ZNF155: variants seen among roughly 807,000 people sequenced by gnomAD.
The protein encoded by ZNF155 is zinc finger protein 155, also known as KRAB A domain.
ZNF155 carries 15 observed loss-of-function variants against 11.9 expected under a neutral mutation model. The observed-to-expected ratio is 1.26, with a 90% CI of 0.84 to 1.94. The LOEUF is 1.94. Ranked by LOEUF, ZNF155 falls within the 30% of genes most tolerant of loss-of-function variation. The probability of loss-of-function intolerance (pLI) is 0.00; values close to 1 mark genes in which losing one functional copy is unlikely to be tolerated. For missense variants in ZNF155, 602 were observed against 639.1 expected (o/e 0.94, Z 0.63); for synonymous variants, 212 against 219.9 (o/e 0.96, Z 0.32).
At chr19:43,987,707 C>G (rs1478047645) in intron 1 of ZNF155, among the ~76,000 whole-genome samples, 2 of 152,190 alleles carry the variant, frequency 1.3e-5, no homozygotes, top group African/African-American at 2.4e-5. Flanking sequence ...TGGGCATTCA[C>G]TCTAAAAATG....
chr19:43,995,983 A>T, intron 4 of ZNF155, 110 bp from the exon 5 acceptor site: 1 of 1,376,512 alleles, frequency 7.3e-7, no homozygotes, highest in Non-Finnish European at 9.7e-7. Flanking sequence ...AAACAAACTG[A>T]ACATTCTCTG....
In ZNF155 at chr19:43,991,641, A is replaced by T. The variant is rs1975668962; in HGVS notation, c.109A>T (p.Met37Leu). Residue 37 changes from methionine (M) to leucine (L), a missense_variant, in exon 3 of 5, where the codon ATG becomes TTG. Transcript: ENST00000270014. Reference sequence around the variant, plus strand: ...CCAGAGGAAGCTGTACCGAGATGTGATGCTGGAGAACTTCAGGAACCTGCT... The same window carrying T: ...CCAGAGGAAGCTGTACCGAGATGTGTTGCTGGAGAACTTCAGGAACCTGCT... ...PAQRKLYRDVMLENFRNLLSV... is the reference protein window; with the variant it reads ...PAQRKLYRDVLLENFRNLLSV... 1.9e-6 allele frequency: 3 copies of T among 1,614,022 alleles called. No individual in the cohort carries two copies. The highest frequency in any genetic ancestry group is 2.5e-6 in the Non-Finnish European group (3 of 1,180,010).
chr19:43,990,182 G>T, intron 2 of ZNF155: 1 of 924,306 alleles, frequency 1.1e-6, no homozygotes, highest in Non-Finnish European at 1.6e-6. Flanking sequence ...ATTTTTTGAT[G>T]TTTTAATTTT....
In ZNF155 at chr19:43,991,642, T is replaced by A. The variant is rs763799563; in HGVS notation, c.110T>A (p.Met37Lys). ...PAQRKLYRDV[M>K]LENFRNLLSV... ...CAGAGGAAGCTGTACCGAGATGTGA[T>A]GCTGGAGAACTTCAGGAACCTGCTC... Residue 37 changes from methionine to lysine, a missense_variant, in exon 3 of 5, where the codon ATG (methionine) becomes AAG (lysine). By Grantham distance (95) the Met-to-Lys change is moderately conservative (BLOSUM62 -1). Coordinates refer to ENST00000270014, the MANE Select transcript of ZNF155 (RefSeq NM_198089.3). The A allele has an allele frequency of 6.2e-7, 1 of 1,614,004 alleles. No homozygotes were observed. Among genetic ancestry groups the A allele is most frequent in the Admixed American group, 1.7e-5 (1 of 60,004 alleles).
At position 43,990,146 on chromosome 19, in the gene ZNF155, A is replaced by G; in HGVS notation, c.16-1402A>G. 5 of 1,290,186 alleles carry G rather than the reference A, an allele frequency of 3.9e-6. No individual in the cohort carries two copies. In the South Asian group the frequency reaches 4.1e-5, roughly 11 times the overall value. The allele number at this position is 1,290,186 out of a possible 1,614,324, so 79.9% of individuals were successfully genotyped here. ...AAAACTGGGAAGAAAGCATGCAGTT[A>G]TATGATCACAGTTCTAAATGTGCTT... is the stretch of plus-strand genomic sequence containing the variant. On this transcript the variant is annotated intron_variant, in intron 2 of 4. Coordinates refer to ENST00000270014, the MANE Select transcript of ZNF155 (RefSeq NM_198089.3).
intron 4 of ZNF155, among the ~76,000 whole-genome samples, chr19:43,994,845 A>G (rs1197527959): frequency 6.6e-6 from 1 of 152,212 alleles, no homozygotes; most frequent in African/African-American, 2.4e-5. Flanking sequence ...TCAGTCTCCT[A>G]GTCCACTAAC....
At chr19:43,985,477 G>A (rs1568485985) in intron 1 of ZNF155, among the ~76,000 whole-genome samples, 1 of 151,824 alleles carries the variant, frequency 6.6e-6, no homozygotes, top group Non-Finnish European at 1.5e-5. Context: ...AGGGCTTTAT[G>A]GAAATAAATA....
At chr19:43,989,514 C>G (rs1011682085) in intron 2 of ZNF155, among the ~76,000 whole-genome samples, 1 of 152,150 alleles carries the variant, frequency 6.6e-6, no homozygotes, top group Non-Finnish European at 1.5e-5. Context: ...GGAGTGTTAG[C>G]CATTCGGCTC....
chr19:43,989,902 A>G (rs397683), intron 2 of ZNF155: 165,526 of 532,664 alleles, frequency 0.31, 28,815 homozygotes, highest in African/African-American at 0.52. Flanking sequence ...AGATAGGAAC[A>G]AAGGACACTA....
intron 1 of ZNF155, among the ~76,000 whole-genome samples, chr19:43,986,456 T>G (rs561980866): frequency 2.0e-5 from 3 of 151,022 alleles, no homozygotes; most frequent in Non-Finnish European, 3.0e-5. Context: ...TGTGTTTTTT[T>G]TTTTTTTTTT....
chr19:43,990,029 C>T, intron 2 of ZNF155: 4 of 1,482,590 alleles, frequency 2.7e-6, no homozygotes, highest in Non-Finnish European at 3.5e-6. Context: ...ATCAGATTAC[C>T]AAGACTGTGG....
At chr19:43,993,163 T>C (rs1482196174) in intron 4 of ZNF155, among the ~76,000 whole-genome samples, 2 of 152,234 alleles carry the variant, frequency 1.3e-5, no homozygotes, top group Admixed American at 1.3e-4. Flanking sequence ...ACACAAGTCA[T>C]GTAGCTGAAC....
At chr19:43,990,090 T>C (rs1975599216) in intron 2 of ZNF155, 2 of 1,524,926 alleles carry the variant, frequency 1.3e-6, no homozygotes, top group Non-Finnish European at 8.7e-7. Context: ...AAAGTACTTG[T>C]ATTCTGTTCA....
chr19:43,991,594 A>T lies in ZNF155; in HGVS notation c.62A>T (p.Glu21Val). The T allele has an allele frequency of 6.2e-7, 1 of 1,613,996 alleles. No homozygotes were observed. The highest frequency in any genetic ancestry group is 8.5e-7 in the Non-Finnish European group (1 of 1,179,962). The change falls in exon 3 of 5, where the codon GAG (glutamate) becomes GTG (valine). Residue 21 changes from glutamate to valine, a missense_variant. Coordinates refer to ENST00000270014, the MANE Select transcript of ZNF155 (RefSeq NM_198089.3). ...GTGGCTGTGGTCTTCACTGAGGAGG[A>T]GCTGGGGCTGCTGGACCCTGCCCAG... ...KDVAVVFTEE[E>V]LGLLDPAQRK... is the part of the protein sequence containing the mutation.
intron 4 of ZNF155, among the ~76,000 whole-genome samples, chr19:43,995,003 T>A (rs1975784755): frequency 6.6e-6 from 1 of 152,162 alleles, no homozygotes; most frequent in Non-Finnish European, 1.5e-5. Context: ...AGTGATTGCC[T>A]TCAAGCCAAC....
At chr19:43,987,872 A>G (rs1215237757) in intron 1 of ZNF155, among the ~76,000 whole-genome samples, 11 of 152,176 alleles carry the variant, frequency 7.2e-5, no homozygotes, top group Non-Finnish European at 1.5e-4. Context: ...GCATTCACCA[A>G]TTTCAGGTGT....
chr19:43,986,044 A>G (rs1975429861), intron 1 of ZNF155, among the ~76,000 whole-genome samples: 1 of 152,210 alleles, frequency 6.6e-6, no homozygotes, highest in South Asian at 2.1e-4. Context: ...CCTTGAGAGC[A>G]AGGCTCATAG....
Position 43,996,905 on chromosome 19 carries a change from G to A in ZNF155, c.1048G>A (p.Gly350Arg). ...GAAACCGTACAGATGTGAGCAGTGT[G>A]GAAAAGGCTTTATTGGTAGGCTAGA... The part of the protein sequence containing the change: ...GEKPYRCEQC[G>R]KGFIGRLDFY... The change falls in exon 5 of 5, where the codon GGA (glycine) becomes AGA (arginine). Residue 350 changes from glycine to arginine, a missense_variant. Coordinates refer to ENST00000270014, the MANE Select transcript of ZNF155 (RefSeq NM_198089.3). 6.2e-7 allele frequency: 1 copy of A among 1,614,136 alleles called. No homozygotes were observed. The highest frequency in any genetic ancestry group is 8.5e-7 in the Non-Finnish European group (1 of 1,180,008).
intron 2 of ZNF155, among the ~76,000 whole-genome samples, chr19:43,990,777 G>T (rs551891626): frequency 6.6e-6 from 1 of 152,186 alleles, no homozygotes; most frequent in African/African-American, 2.4e-5. Context: ...AACAGATTAC[G>T]TGAAGCAGAT....
Sources: allele counts gnomAD v4.1 joint callset (sites outside exome capture counted in the v4.1 genomes callset), GRCh38; gene constraint gnomAD v4.1.1; transcripts MANE v1.5; gene names NCBI Gene and HGNC (gene_info 2026-07-23, HGNC 2026-07-21).